SYNE3: variants seen among roughly 807,000 people sequenced by gnomAD.
SYNE3 encodes the protein spectrin repeat containing nuclear envelope family member 3.
Under a neutral mutation model 111.2 loss-of-function variants are expected in SYNE3, and 100 were observed. That is an observed-to-expected ratio of 0.90 (90% CI 0.77 to 1.06). SYNE3 has a LOEUF of 1.06. Ranked by LOEUF, SYNE3 falls within the 50% of genes least tolerant of loss-of-function variation. The pLI, the probability that SYNE3 is intolerant of heterozygous loss-of-function variation, is 0.00. For missense variants in SYNE3, 1,160 were observed against 1,240.3 expected (o/e 0.94, Z 0.97); for synonymous variants, 547 against 533.9 (o/e 1.02, Z -0.34).
chr14:95,474,127 G>A (rs111751774), intron 2 of SYNE3, among the ~76,000 whole-genome samples: 15 of 150,910 alleles, frequency 9.9e-5, no homozygotes, highest in Admixed American at 2.0e-4. Context: ...ATGAGCTTGC[G>A]AGGTATGACA....
intron 1 of SYNE3, among the ~76,000 whole-genome samples, chr14:95,502,756 C>T (rs1413140368): frequency 1.3e-5 from 2 of 152,242 alleles, no homozygotes; most frequent in Non-Finnish European, 2.9e-5. Flanking sequence ...AAAGCAGCTA[C>T]TCACAATCTT....
chr14:95,430,849 T>C (rs997101626), intron 17 of SYNE3, among the ~76,000 whole-genome samples: 22 of 152,120 alleles, frequency 1.4e-4, no homozygotes, highest in African/African-American at 5.3e-4. Context: ...AGCTCCATTT[T>C]ATAGATGGGG....
In SYNE3 at chr14:95,487,180, C is replaced by T. The variant is rs1889591884; in HGVS notation, c.-14-11345G>A. On this transcript the variant is annotated intron_variant, in intron 1 of 17. Coordinates refer to ENST00000682763, the MANE Select transcript of SYNE3 (RefSeq NM_152592.6). ...AGAAATCTTTTCAGCCTCTGCTCCT[C>T]CTGGTAGAAGCGACTTCTCCTTTCT... is the stretch of plus-strand genomic sequence containing the variant. 2.0e-5 allele frequency among the ~76,000 whole-genome samples: 3 copies of T among 152,258 alleles called. No individual in the cohort carries two copies. In the South Asian group the frequency reaches 6.2e-4, roughly 31 times the overall value.
chr14:95,477,482 A>G (rs1888957040), intron 1 of SYNE3, among the ~76,000 whole-genome samples: 1 of 152,192 alleles, frequency 6.6e-6, no homozygotes, highest in East Asian at 1.9e-4. Context: ...AATCATCACT[A>G]TTAAAAATAA....
At chr14:95,443,579 T>G in intron 10 of SYNE3, 1 of 354,084 alleles carries the variant, frequency 2.8e-6, no homozygotes. Context: ...TTGGGACTCA[T>G]ACTTGATGAC....
intron 15 of SYNE3, among the ~76,000 whole-genome samples, chr14:95,435,611 G>T (rs57278062): frequency 0.043 from 6,571 of 151,558 alleles, 235 homozygotes; most frequent in East Asian, 0.18. Context: ...TGGGAATTAA[G>T]AGAAAAAAAA....
At chr14:95,505,878 A>G (rs998193768) in intron 1 of SYNE3, among the ~76,000 whole-genome samples, 1 of 152,150 alleles carries the variant, frequency 6.6e-6, no homozygotes, top group Non-Finnish European at 1.5e-5. Flanking sequence ...TTAGCATGTC[A>G]CTGAGATGTT....
chr14:95,431,579 C>CG (rs1885764143), intron 17 of SYNE3, among the ~76,000 whole-genome samples: 1 of 152,196 alleles, frequency 6.6e-6, no homozygotes, highest in Non-Finnish European at 1.5e-5. Context: ...ACTCTGAGCA[C>CG]GGCTCAGTAG....
chr14:95,424,169 G>T (rs1237782391), intron 17 of SYNE3, among the ~76,000 whole-genome samples: 1 of 152,146 alleles, frequency 6.6e-6, no homozygotes, highest in Non-Finnish European at 1.5e-5. Flanking sequence ...GTGGAAGGAG[G>T]TGACAGGGAG....
chr14:95,481,454 G>A, intron 1 of SYNE3, among the ~76,000 whole-genome samples: 1 of 152,326 alleles, frequency 6.6e-6, no homozygotes, highest in East Asian at 1.9e-4. Flanking sequence ...CTACGCTAGA[G>A]AGACAAGGCG....
Position 95,456,717 on chromosome 14 carries a change from C to T in SYNE3, c.789+460G>A, listed in dbSNP as rs79566518. ...CCAAGCGTTTAGACTAGATTCCACA[C>T]TTCTCCTCACGGGGGTCTGTGGGCC... is the stretch of plus-strand genomic sequence containing the variant. On this transcript the variant is annotated intron_variant, in intron 5 of 17. Transcript: ENST00000682763. 0.011 allele frequency among the ~76,000 whole-genome samples: 1,749 copies of T among 152,290 alleles called. 78 individuals are homozygous for T. In the East Asian group the frequency reaches 0.12, roughly 11 times the overall value.
At chr14:95,502,205 C>G (rs1321422055) in intron 1 of SYNE3, among the ~76,000 whole-genome samples, 1 of 152,096 alleles carries the variant, frequency 6.6e-6, no homozygotes, top group Non-Finnish European at 1.5e-5. Flanking sequence ...GTTGGTCACA[C>G]CAACTTTCAC....
chr14:95,432,128 A>AG lies in SYNE3; in HGVS notation c.2689-12dup. On this transcript the variant is annotated splice_polypyrimidine_tract_variant and intron_variant, in intron 16 of 17. Transcript: ENST00000682763. The stretch of plus-strand genomic sequence containing the variant: ...TGGAGAACTTTGTGTCTGTTATTTT[A>AG]GGGAAGGAGAGGAAAAGGGGGGAAA... The AG allele has an allele frequency of 6.2e-7, 1 of 1,609,648 alleles. No homozygotes were observed.
In SYNE3 at chr14:95,503,189, C is replaced by T. The variant is rs28497295; in HGVS notation, c.-15+13407G>A. ...TTTGCAGCTCACACTGTTTTCTAGT[C>T]CAACCATTTATTATTAGCCTGAGAC... On this transcript the variant is annotated intron_variant, in intron 1 of 17. Coordinates refer to ENST00000682763, the MANE Select transcript of SYNE3 (RefSeq NM_152592.6). Among the ~76,000 whole-genome samples the T allele has an allele frequency of 8.6e-3, 1,316 of 152,366 alleles. 13 individuals carry two copies. The highest frequency in any genetic ancestry group is 0.029 in the African/African-American group (1,188 of 41,586).
chr14:95,491,067 G>A (rs1415342767), intron 1 of SYNE3, among the ~76,000 whole-genome samples: 1 of 152,212 alleles, frequency 6.6e-6, no homozygotes, highest in Non-Finnish European at 1.5e-5. Flanking sequence ...AGGACTGGCT[G>A]TTCTTGGGGC....
chr14:95,467,745 G>T, intron 3 of SYNE3, 50 bp downstream of exon 3: 2 of 1,606,782 alleles, frequency 1.2e-6, no homozygotes, highest in Non-Finnish European at 8.5e-7. Flanking sequence ...GTGTCACAGT[G>T]GGCAAGGAGG....
chr14:95,422,896 T>G (rs556593873), intron 17 of SYNE3, among the ~76,000 whole-genome samples: 2 of 152,360 alleles, frequency 1.3e-5, no homozygotes, highest in Admixed American at 1.3e-4. Flanking sequence ...ACTGTCTTGC[T>G]CTGGCAGTGC....
intron 15 of SYNE3, among the ~76,000 whole-genome samples, chr14:95,434,704 C>G (rs558144257): frequency 2.6e-5 from 4 of 152,334 alleles, no homozygotes; most frequent in African/African-American, 9.6e-5. Context: ...GTTGCCCAGG[C>G]TGGAGTGCAA....
At chr14:95,469,424 G>A (rs1888385125) in intron 2 of SYNE3, among the ~76,000 whole-genome samples, 2 of 151,222 alleles carry the variant, frequency 1.3e-5, no homozygotes, top group South Asian at 4.2e-4. Context: ...TCCAGGTACA[G>A]TGCTGCATGC....
Sources: gnomAD v4.1 joint callset for allele counts (sites outside exome capture counted in the v4.1 genomes callset) on GRCh38, gnomAD v4.1.1 for gene constraint, MANE v1.5 for transcripts, NCBI Gene and HGNC (gene_info 2026-07-23, HGNC 2026-07-21) for gene names.